The following EYS variants were observed in gnomAD, a reference collection of about 807,000 sequenced individuals.
EYS encodes protein eyes shut homolog.
Under a neutral mutation model 282.1 loss-of-function variants are expected in EYS, and 250 were observed. That is an observed-to-expected ratio of 0.89 (90% CI 0.80 to 0.98). The LOEUF is 0.98. Among genes scored for constraint, EYS ranks in the 50% least tolerant of loss-of-function variants. The pLI is 0.00. For synonymous variants in EYS, 1,355 were observed against 1,282.9 expected, an observed-to-expected ratio of 1.06 and a Z score of -1.20; for missense variants, 4,016 against 3,709.0, an observed-to-expected ratio of 1.08 and a Z score of -2.15.
At chr6:64,982,088 G>A (rs1317364471) in intron 14 of EYS, among the ~76,000 whole-genome samples, 1 of 151,372 alleles carries the variant, frequency 6.6e-6, no homozygotes, top group East Asian at 1.9e-4. Flanking sequence ...TCCCTCTACA[G>A]GATTGGCTTA....
chr6:65,580,714 G>T (rs1442763545), intron 2 of EYS, among the ~76,000 whole-genome samples: 1 of 151,874 alleles, frequency 6.6e-6, no homozygotes, highest in African/African-American at 2.4e-5. Flanking sequence ...TGCATAATTG[G>T]ATACAATTTT....
Position 65,028,136 on chromosome 6 carries a change from G to C in EYS, c.2137+29478C>G, listed in dbSNP as rs546415063. Among the ~76,000 whole-genome samples the C allele has an allele frequency of 1.1e-4, 17 of 152,064 alleles. No individual in the cohort carries two copies. The South Asian group carries it at 3.1e-3, about 28-fold the overall frequency. ...AGAGGTGTGCAGTGCTCATCATGGA[G>C]TATTAAGATCAATTTCTGTTAACTT... is the stretch of plus-strand genomic sequence containing the variant. On this transcript the variant is annotated intron_variant, in intron 13 of 42. Transcript: ENST00000503581.
chr6:64,670,325 A>G (rs1373640053), intron 22 of EYS, among the ~76,000 whole-genome samples: 4 of 151,934 alleles, frequency 2.6e-5, no homozygotes, highest in African/African-American at 4.8e-5. Context: ...CCCTATTTCA[A>G]CAGCCTTGAA....
At chr6:65,008,463 T>C (rs1771759804) in intron 13 of EYS, among the ~76,000 whole-genome samples, 1 of 151,024 alleles carries the variant, frequency 6.6e-6, no homozygotes. Context: ...ACAAATGGGA[T>C]AAAAAAAAAG....
At chr6:64,919,545 A>AT (rs1449276172) in intron 15 of EYS, among the ~76,000 whole-genome samples, 1 of 150,362 alleles carries the variant, frequency 6.7e-6, no homozygotes, top group African/African-American at 2.4e-5. Context: ...CATTTCATAT[A>AT]TTTTTTCAAA....
chr6:65,027,876 A>C (rs1334013472), intron 13 of EYS, among the ~76,000 whole-genome samples: 2 of 152,198 alleles, frequency 1.3e-5, no homozygotes, highest in African/African-American at 4.8e-5. Flanking sequence ...AATGTACCCT[A>C]TAAACATTTG....
chr6:65,510,971 T>TA (rs1301411017), intron 2 of EYS, among the ~76,000 whole-genome samples: 2 of 152,170 alleles, frequency 1.3e-5, no homozygotes, highest in African/African-American at 2.4e-5. Flanking sequence ...TGACTGTACT[T>TA]AAAACACTTT....
At chr6:64,197,869 A>T (rs1249088146) in intron 31 of EYS, among the ~76,000 whole-genome samples, 4 of 151,432 alleles carry the variant, frequency 2.6e-5, no homozygotes, top group Admixed American at 2.6e-4. Flanking sequence ...CTGGGCTTTG[A>T]CTCTTAATGG....
intron 13 of EYS, among the ~76,000 whole-genome samples, chr6:65,057,139 G>GT (rs957974505): frequency 4.6e-5 from 7 of 151,772 alleles, no homozygotes; most frequent in Non-Finnish European, 1.0e-4. Flanking sequence ...TATTTATAAG[G>GT]CAAAGCAAGG....
intron 5 of EYS, among the ~76,000 whole-genome samples, chr6:65,406,115 A>G (rs1206405784): frequency 6.6e-6 from 1 of 152,082 alleles, no homozygotes; most frequent in Non-Finnish European, 1.5e-5. Flanking sequence ...TAGTCATTCT[A>G]GTAAATGTAC....
Position 64,825,325 on chromosome 6 carries a change from C to T in EYS, c.2993-2503G>A, listed in dbSNP as rs113454402. ...CCTGTAACAAGTAATCTCCTTGTAG[C>T]ATTCCATAAGATGTATTCATCTTTT... On this transcript the variant is annotated intron_variant, in intron 19 of 42. Transcript: ENST00000503581. Among the ~76,000 whole-genome samples, 1,016 of 152,030 alleles carry T rather than the reference C, an allele frequency of 6.7e-3. 9 individuals are homozygous for T. The highest frequency in any genetic ancestry group is 0.023 in the African/African-American group (937 of 41,532).
At chr6:65,572,348 TAGAG>T (rs1416030807) in intron 2 of EYS, among the ~76,000 whole-genome samples, 1 of 152,088 alleles carries the variant, frequency 6.6e-6, no homozygotes, top group Admixed American at 6.6e-5. Context: ...TGGTTCTAGA[TAGAG>T]AAACAGTTCT....
chr6:64,662,472 G>T (rs1216590749), intron 22 of EYS, among the ~76,000 whole-genome samples: 3 of 152,116 alleles, frequency 2.0e-5, no homozygotes, highest in Non-Finnish European at 4.4e-5. Flanking sequence ...GTTCAGAAGA[G>T]AAAAATAACC....
chr6:64,995,038 T>C (rs1339286679), intron 14 of EYS, among the ~76,000 whole-genome samples: 1 of 152,122 alleles, frequency 6.6e-6, no homozygotes, highest in Non-Finnish European at 1.5e-5. Flanking sequence ...TTATGCTAAT[T>C]AGATGTGATT....
At chr6:64,256,142 C>T (rs1365706793) in intron 30 of EYS, among the ~76,000 whole-genome samples, 1 of 151,904 alleles carries the variant, frequency 6.6e-6, no homozygotes, top group African/African-American at 2.4e-5. Context: ...AATTTACATA[C>T]TTTAGAATTT....
intron 12 of EYS, among the ~76,000 whole-genome samples, chr6:65,142,521 G>C (rs1225738621): frequency 1.4e-4 from 12 of 84,010 alleles, no homozygotes; most frequent in South Asian, 3.8e-4. Flanking sequence ...CACACACACA[G>C]AGTTCCAATA....
At chr6:63,901,719 C>G (rs1227589936) in intron 35 of EYS, among the ~76,000 whole-genome samples, 1 of 152,152 alleles carries the variant, frequency 6.6e-6, no homozygotes, top group African/African-American at 2.4e-5. Flanking sequence ...GAATAAGATA[C>G]AAGTTGAATA....
chr6:65,532,146 T>G (rs999677130), intron 2 of EYS, among the ~76,000 whole-genome samples: 5 of 152,150 alleles, frequency 3.3e-5, no homozygotes, highest in African/African-American at 9.7e-5. Flanking sequence ...TTATTTTAAT[T>G]TAAACAATTA....
At chr6:64,452,530 A>C (rs1775391835) in intron 26 of EYS, among the ~76,000 whole-genome samples, 1 of 152,162 alleles carries the variant, frequency 6.6e-6, no homozygotes, top group South Asian at 2.1e-4. Flanking sequence ...TATGGAACCA[A>C]AAAAGAGCCC....
Sources: gnomAD v4.1 joint callset for allele counts (sites outside exome capture counted in the v4.1 genomes callset) on GRCh38, gnomAD v4.1.1 for gene constraint, MANE v1.5 for transcripts, NCBI Gene and HGNC (gene_info 2026-07-23, HGNC 2026-07-21) for gene names.